Variants in UGT1A8 observed in about 807,000 individuals in gnomAD.
UGT1A8 encodes UDP-glucuronosyltransferase 1A8.
UGT1A8 carries 39 observed loss-of-function variants against 45.3 expected under a neutral mutation model. That is an observed-to-expected ratio of 0.86 (90% CI 0.67 to 1.12). UGT1A8 has a LOEUF of 1.12. Among genes scored for constraint, UGT1A8 ranks in the 50% most tolerant of loss-of-function variants. The probability of loss-of-function intolerance (pLI) is 0.00; values close to 1 mark genes in which losing one functional copy is unlikely to be tolerated. For synonymous variants in UGT1A8, 275 were observed against 249.2 expected, an observed-to-expected ratio of 1.10 and a Z score of -0.97; for missense variants, 719 against 664.9, an observed-to-expected ratio of 1.08 and a Z score of -0.90.
chr2:233,637,201 G>T, intron 1 of UGT1A8: 1 of 1,613,912 alleles, frequency 6.2e-7, no homozygotes, highest in Non-Finnish European at 8.5e-7. Flanking sequence ...TTTTAGAAAT[G>T]CCCTAGAAAT....
rs570497645 is a variant in UGT1A8 at position 233,641,949 on chromosome 2, C to A, written c.855+23387C>A. Among the ~76,000 whole-genome samples the A allele has an allele frequency of 2.6e-5, 4 of 152,168 alleles. No homozygotes were observed. In the East Asian group the frequency reaches 7.7e-4, roughly 29 times the overall value. ...TTAGAATCTTTTCTTTATCCTTGAC[C>A]TTTGGGAGTTTGATTATTAAATGCC... On this transcript the variant is annotated intron_variant, in intron 1 of 4. Coordinates refer to ENST00000373450, the MANE Select transcript of UGT1A8 (RefSeq NM_019076.5).
At chr2:233,732,132 GT>G (rs869109259) in intron 1 of UGT1A8, among the ~76,000 whole-genome samples, 1 of 57,612 alleles carries the variant, frequency 1.7e-5, no homozygotes, top group African/African-American at 9.7e-5. Context: ...TGATGAGGTT[GT>G]TTGTTTGTTT....
rs950702483 is a variant in UGT1A8 at position 233,748,193 on chromosome 2, C to G, written c.856-18841C>G. 9.0e-6 allele frequency: 14 copies of G among 1,552,524 alleles called. No individual in the cohort carries two copies. The Admixed American group carries it at 2.6e-4, about 28-fold the overall frequency. ...TATCTTTCTGGTGCTTTTATTTCTGCTTGTCGTAATAGCCTTCAGTGAGAT... is the reference window on the plus strand; with the variant it reads ...TATCTTTCTGGTGCTTTTATTTCTGGTTGTCGTAATAGCCTTCAGTGAGAT... On this transcript the variant is annotated intron_variant, in intron 1 of 4. Transcript: ENST00000373450.
At chr2:233,760,916 T>G (rs1345834782) in intron 1 of UGT1A8, 6 of 1,614,048 alleles carry the variant, frequency 3.7e-6, no homozygotes, top group African/African-American at 2.7e-5. Flanking sequence ...CTGCAGCGGG[T>G]GAAGAACATG....
chr2:233,760,524 C>T (rs2125985415), intron 1 of UGT1A8: 1 of 1,614,240 alleles, frequency 6.2e-7, no homozygotes, highest in Non-Finnish European at 8.5e-7. Context: ...TGAAGACGTA[C>T]CCTGTGCCAT....
At chr2:233,743,731 G>C (rs373030535) in intron 1 of UGT1A8, 1 of 1,367,360 alleles carries the variant, frequency 7.3e-7, no homozygotes, top group East Asian at 4.5e-5. Flanking sequence ...CATAGATATC[G>C]CGTTTCTTGG....
intron 1 of UGT1A8, among the ~76,000 whole-genome samples, chr2:233,634,795 A>G (rs1361172540): frequency 1.3e-5 from 2 of 150,800 alleles, no homozygotes; most frequent in African/African-American, 4.9e-5. Context: ...CATTTAGCCC[A>G]TTTACATTTA....
intron 1 of UGT1A8, among the ~76,000 whole-genome samples, chr2:233,702,262 A>C (rs1404210382): frequency 2.6e-5 from 4 of 152,200 alleles, no homozygotes; most frequent in Non-Finnish European, 5.9e-5. Context: ...CACAAAATAC[A>C]TGAATAGCTT....
intron 1 of UGT1A8, among the ~76,000 whole-genome samples, chr2:233,701,487 A>G (rs1350791546): frequency 2.0e-5 from 3 of 152,174 alleles, no homozygotes; most frequent in African/African-American, 7.2e-5. Context: ...CTCTGCACCA[A>G]GCGGACCTAA....
intron 1 of UGT1A8, among the ~76,000 whole-genome samples, chr2:233,683,363 T>C (rs1265014296): frequency 6.6e-6 from 1 of 152,196 alleles, no homozygotes; most frequent in African/African-American, 2.4e-5. Flanking sequence ...TTGGATGCAA[T>C]GTAGTTTTCC....
chr2:233,672,244 A>G (rs1355889439), intron 1 of UGT1A8: 1 of 1,613,862 alleles, frequency 6.2e-7, no homozygotes, highest in Non-Finnish European at 8.5e-7. Context: ...ACAAGTACGA[A>G]GTATATATTC....
At chr2:233,699,090 T>A (rs2075483831) in intron 1 of UGT1A8, among the ~76,000 whole-genome samples, 1 of 152,200 alleles carries the variant, frequency 6.6e-6, no homozygotes, top group African/African-American at 2.4e-5. Context: ...TCTAGCCCTG[T>A]GCACCTCATC....
intron 1 of UGT1A8, among the ~76,000 whole-genome samples, chr2:233,639,427 A>G (rs914880051): frequency 1.3e-5 from 2 of 152,234 alleles, no homozygotes; most frequent in South Asian, 2.1e-4. Context: ...ATTGTCATCA[A>G]AAGAACGATG....
intron 1 of UGT1A8, among the ~76,000 whole-genome samples, chr2:233,631,866 T>C (rs1434942065): frequency 1.3e-5 from 2 of 152,158 alleles, no homozygotes; most frequent in Non-Finnish European, 2.9e-5. Flanking sequence ...TTTTGGCTTT[T>C]GGTTGTCATT....
chr2:233,732,322 T>C (rs1402745036), intron 1 of UGT1A8, among the ~76,000 whole-genome samples: 3 of 152,262 alleles, frequency 2.0e-5, no homozygotes, highest in Non-Finnish European at 4.4e-5. Context: ...ATTTTGGCTT[T>C]TGTTGCCATT....
At chr2:233,700,065 T>C (rs185747292) in intron 1 of UGT1A8, among the ~76,000 whole-genome samples, 116 of 152,320 alleles carry the variant, frequency 7.6e-4, no homozygotes, top group African/African-American at 2.7e-3. Context: ...TCCAGTGGTG[T>C]CTACCCAGCA....
intron 1 of UGT1A8, chr2:233,713,360 C>G: frequency 6.2e-7 from 1 of 1,614,162 alleles, no homozygotes; most frequent in Non-Finnish European, 8.5e-7. Flanking sequence ...TGTCTTTGAT[C>G]ATACATAGGT....
At position 233,772,385 on chromosome 2, in the gene UGT1A8, C is replaced by A. The variant is rs28900406; in HGVS notation, c.1419C>A (p.Pro473=). ...ACAAGGGCGCGCCACACCTGCGCCCCGCAGCCCACGACCTCACCTGGTACC... is the reference window on the plus strand; with the variant it reads ...ACAAGGGCGCGCCACACCTGCGCCCAGCAGCCCACGACCTCACCTGGTACC... ...MRHKGAPHLR[P]AAHDLTWYQY... is the part of the protein sequence containing the mutation. The change falls in exon 5 of 5, where the codon CCC becomes CCA. Residue 473 remains proline (P), a synonymous_variant. Transcript: ENST00000373450. 3 of 1,614,128 alleles carry A rather than the reference C, an allele frequency of 1.9e-6. No individual in the cohort carries two copies. The African/African-American group carries it at 4.0e-5, about 22-fold the overall frequency.
chr2:233,698,160 C>T (rs1351823823), intron 1 of UGT1A8, among the ~76,000 whole-genome samples: 1 of 152,066 alleles, frequency 6.6e-6, no homozygotes, highest in Non-Finnish European at 1.5e-5. Flanking sequence ...GCATGTCGTC[C>T]TAGAGAACAT....
Sources: gnomAD v4.1 joint callset for allele counts (sites outside exome capture counted in the v4.1 genomes callset) on GRCh38, gnomAD v4.1.1 for gene constraint, MANE v1.5 for transcripts, NCBI Gene and HGNC (gene_info 2026-07-23, HGNC 2026-07-21) for gene names.